Variants in IGDCC3 observed in about 807,000 individuals in gnomAD.
IGDCC3 encodes immunoglobulin superfamily DCC subclass member 3.
Under a neutral mutation model 72.0 loss-of-function variants are expected in IGDCC3, and 47 were observed. The ratio of observed to expected loss-of-function variants is 0.65; its 90% CI spans 0.52 to 0.83. IGDCC3 has a LOEUF of 0.83. Among genes scored for constraint, IGDCC3 ranks in the 40% least tolerant of loss-of-function variants. IGDCC3 has a pLI of 0.00. For synonymous variants in IGDCC3, 477 were observed against 472.8 expected (o/e 1.01, Z -0.11); for missense variants, 1,038 against 1,091.3 (o/e 0.95, Z 0.69).
At position 65,352,473 on chromosome 15, in the gene IGDCC3, G is replaced by T. The variant is rs559002397; in HGVS notation, c.410-16517C>A. The stretch of plus-strand genomic sequence containing the variant: ...CTTGTAGAGCTAATAAAAGCCCTTT[G>T]GGGAACTCATCTCGTACCTTGCCTA... On this transcript the variant is annotated intron_variant, in intron 2 of 13. Transcript: ENST00000327987. Among the ~76,000 whole-genome samples the T allele has an allele frequency of 2.2e-4, 34 of 152,286 alleles. No individual in the cohort carries two copies. The Middle Eastern group carries it at 0.014, about 61-fold the overall frequency.
intron 2 of IGDCC3, among the ~76,000 whole-genome samples, chr15:65,354,438 G>A (rs946003093): frequency 6.6e-6 from 1 of 151,874 alleles, no homozygotes; most frequent in Non-Finnish European, 1.5e-5. Context: ...TTCTACCACC[G>A]CCTCCGTCTT....
chr15:65,353,239 CTCCTTCCTTCCT>C (rs771443438), intron 2 of IGDCC3, among the ~76,000 whole-genome samples: 1 of 146,178 alleles, frequency 6.8e-6, no homozygotes, highest in Non-Finnish European at 1.5e-5. Context: ...CCCTCCCTCC[CTCCTTCCTTCCT>C]TCCTTCCGTT....
intron 2 of IGDCC3, among the ~76,000 whole-genome samples, chr15:65,352,943 C>T (rs1489292918): frequency 2.0e-5 from 3 of 152,176 alleles, no homozygotes; most frequent in African/African-American, 7.2e-5. Flanking sequence ...TTCCTGTGAA[C>T]CAACCAGTAA....
chr15:65,359,598 C>A (rs1273262583), intron 2 of IGDCC3, among the ~76,000 whole-genome samples: 1 of 152,212 alleles, frequency 6.6e-6, no homozygotes, highest in African/African-American at 2.4e-5. Context: ...GTGACTTAGC[C>A]TTTTCTCCAT....
intron 5 of IGDCC3, among the ~76,000 whole-genome samples, chr15:65,334,253 G>A (rs535044978): frequency 6.6e-6 from 1 of 152,256 alleles, no homozygotes; most frequent in Non-Finnish European, 1.5e-5. Flanking sequence ...CAGCTGCCTG[G>A]GGATTTAGGC....
chr15:65,351,533 C>CA (rs59065889), intron 2 of IGDCC3, among the ~76,000 whole-genome samples: 33,024 of 105,836 alleles, frequency 0.31, 4,269 homozygotes, highest in East Asian at 0.53. Flanking sequence ...GACTCCGTCT[C>CA]AAAAAAAAAA....
At chr15:65,355,189 C>T (rs1181349742) in intron 2 of IGDCC3, among the ~76,000 whole-genome samples, 2 of 152,246 alleles carry the variant, frequency 1.3e-5, no homozygotes, top group East Asian at 1.9e-4. Flanking sequence ...CCCCGCGGGG[C>T]CCCACTGCAG....
chr15:65,371,842 A>G (rs979459140), intron 2 of IGDCC3, among the ~76,000 whole-genome samples: 16 of 152,214 alleles, frequency 1.1e-4, no homozygotes, highest in Non-Finnish European at 1.6e-4. Flanking sequence ...CCCCTGGGTC[A>G]GCCCCTTTAG....
chr15:65,335,318 T>C lies in IGDCC3; in HGVS notation c.658A>G (p.Ser220Gly), dbSNP rs144142798. The C allele has an allele frequency of 5.0e-6, 8 of 1,613,114 alleles. 1 individual carries two copies. The highest frequency in any genetic ancestry group is 6.8e-6 in the Non-Finnish European group (8 of 1,179,578). The change falls in exon 4 of 14, where the codon AGC becomes GGC. Residue 220 changes from serine to glycine, a missense_variant. Physicochemically the swap from Ser to Gly is moderately conservative, Grantham distance 56. Transcript: ENST00000327987. ...GACACAGTGAGCCTGGCCCCGTGGC[T>C]GATCCGGATACTGGCGATGTTTGAG... ...VASNIASIRISHGARLTVSGS... is the reference protein window; with the variant it reads ...VASNIASIRIGHGARLTVSGS...
intron 2 of IGDCC3, among the ~76,000 whole-genome samples, chr15:65,340,841 G>A (rs779925243): frequency 6.6e-5 from 10 of 152,170 alleles, no homozygotes; most frequent in Non-Finnish European, 1.3e-4. Context: ...CAATTCTCCT[G>A]CCTCAGCCTC....
chr15:65,346,975 C>T (rs1439777198), intron 2 of IGDCC3, among the ~76,000 whole-genome samples: 1 of 152,140 alleles, frequency 6.6e-6, no homozygotes, highest in Non-Finnish European at 1.5e-5. Flanking sequence ...TTCCTCTCTG[C>T]CTTGGACTTG....
intron 2 of IGDCC3, among the ~76,000 whole-genome samples, chr15:65,342,857 G>GT (rs900784234): frequency 5.1e-4 from 76 of 150,180 alleles, no homozygotes; most frequent in South Asian, 8.4e-4. Flanking sequence ...GTGTTTGTTT[G>GT]TTTTTTTTTG....
intron 2 of IGDCC3, among the ~76,000 whole-genome samples, chr15:65,347,006 A>G (rs2091129997): frequency 1.3e-5 from 2 of 152,120 alleles, no homozygotes; most frequent in Admixed American, 6.6e-5. Context: ...GACCCAGCAG[A>G]GCCCCTCTCC....
chr15:65,372,296 C>A (rs1032328283), intron 2 of IGDCC3, among the ~76,000 whole-genome samples: 3 of 152,174 alleles, frequency 2.0e-5, no homozygotes, highest in South Asian at 4.1e-4. Flanking sequence ...TGTCCAGGGT[C>A]TCGTCCTTAA....
At position 65,377,697 on chromosome 15, in the gene IGDCC3, G is replaced by A. The variant is rs757868496; in HGVS notation, c.92C>T (p.Ala31Val). ...LLPLLLLLLP[A>V]PSEGLGHSAE... ...GCGCTTTCACTCACCCTCGCTCGGC[G>A]CGGGCAGCAGCAGCAACAGCAGCGG... The change falls in exon 1 of 14, where the codon GCG (alanine) becomes GTG (valine). Residue 31 changes from alanine to valine, a missense_variant. Physicochemically the swap from Ala to Val is moderately conservative, Grantham distance 64. Coordinates refer to ENST00000327987, the MANE Select transcript of IGDCC3 (RefSeq NM_004884.4). This position sits in a 1 kb window ranked among gnomAD's most constrained non-coding sequence, Gnocchi z 4.9. 7.1e-7 allele frequency: 1 copy of A among 1,417,056 alleles called. No individual in the cohort carries two copies. 87.8% of individuals were successfully genotyped at this position (1,417,056 alleles called of 1,614,324 possible). A position where few individuals can be genotyped will look rare whatever the true frequency, so the allele number is the denominator to read the frequency against.
chr15:65,328,990 T>A lies in IGDCC3; in HGVS notation c.2364A>T (p.Gly788=). The change falls in exon 14 of 14, where the codon GGA becomes GGT. Residue 788 remains glycine (G), a synonymous_variant. Transcript: ENST00000327987. The part of the protein sequence containing the change: ...GLAAAPPPPD[G]GPGLLSEGQA... ...GGCCTTCACTGAGGAGGCCAGGGCC[T>A]CCATCTGGGGGTGGTGGGGCAGCCG... The A allele has an allele frequency of 6.2e-7, 1 of 1,609,802 alleles. No individual in the cohort carries two copies. Among genetic ancestry groups the A allele is most frequent in the Non-Finnish European group, 8.5e-7 (1 of 1,178,486 alleles).
chr15:65,331,324 A>C, intron 8 of IGDCC3, 88 bp downstream of exon 8: 1 of 1,565,696 alleles, frequency 6.4e-7, no homozygotes, highest in Non-Finnish European at 8.7e-7. Context: ...GGAGAAGGAA[A>C]GGGAGGCATC....
intron 2 of IGDCC3, 115 bp downstream of exon 2, chr15:65,374,982 T>G: frequency 1.1e-6 from 1 of 872,706 alleles, no homozygotes; most frequent in Non-Finnish European, 1.8e-6. Context: ...TGCTGAGAAA[T>G]TAGTCCTCCA....
At chr15:65,372,771 G>A (rs1024097087) in intron 2 of IGDCC3, among the ~76,000 whole-genome samples, 3 of 152,236 alleles carry the variant, frequency 2.0e-5, no homozygotes, top group African/African-American at 7.2e-5. Context: ...AGTGCCGGCA[G>A]GCACACGGGC....
Sources: allele counts gnomAD v4.1 joint callset (sites outside exome capture counted in the v4.1 genomes callset), GRCh38; gene constraint gnomAD v4.1.1; non-coding constraint Gnocchi (gnomAD v3.1); transcripts MANE v1.5; gene names NCBI Gene and HGNC (gene_info 2026-07-23, HGNC 2026-07-21).